SERBP1: variants seen among roughly 807,000 people sequenced by gnomAD.
SERBP1 encodes the protein SERPINE1 mRNA-binding protein 1.
A neutral mutation model predicts 50.2 loss-of-function variants in SERBP1; 6 were observed. The ratio of observed to expected loss-of-function variants is 0.12; its 90% CI spans 0.07 to 0.24. SERBP1 has a LOEUF of 0.24. SERBP1 is among the 10% of genes least tolerant of loss of function. The pLI is 1.00. For missense variants in SERBP1, 346 were observed against 524.9 expected, an observed-to-expected ratio of 0.66 and a Z score of 3.33; for synonymous variants, 168 against 182.8, an observed-to-expected ratio of 0.92 and a Z score of 0.65.
rs2100402330 is a variant in SERBP1 at position 67,410,698 on chromosome 1, G to C, written c.*2509C>G. ...ACTTTAGGAATCTTTATCTGTTTAGGGATTTTTCCCCTAGACTATTATAGC... is the reference window on the plus strand; with the variant it reads ...ACTTTAGGAATCTTTATCTGTTTAGCGATTTTTCCCCTAGACTATTATAGC... On this transcript the variant is annotated 3_prime_UTR_variant, in exon 8 of 8. Transcript: ENST00000361219. The C allele has an allele frequency of 6.6e-6, 1 of 152,172 alleles. No homozygotes were observed. Among genetic ancestry groups the C allele is most frequent in the African/African-American group, 2.4e-5 (1 of 41,526 alleles). 9.4% of individuals were successfully genotyped at this position (152,172 alleles called of 1,614,324 possible). A position where few individuals can be genotyped will look rare whatever the true frequency, so the allele number is the denominator to read the frequency against.
intron 1 of SERBP1, among the ~76,000 whole-genome samples, chr1:67,429,138 A>G (rs1158297903): frequency 1.3e-5 from 2 of 152,128 alleles, no homozygotes; most frequent in African/African-American, 4.8e-5. Flanking sequence ...CGAACTCTAA[A>G]GAGCTCTGCT....
At chr1:67,429,512 G>A (rs1281928787) in intron 1 of SERBP1, 1 of 153,618 alleles carries the variant, frequency 6.5e-6, no homozygotes, top group East Asian at 1.9e-4. Context: ...GCCGTCGTGG[G>A]ACAAGACGGC....
In SERBP1 at chr1:67,415,207, C is replaced by A; in HGVS notation, c.1084G>T (p.Gly362Trp). ...CCACGGTTTGGGCGCCCACCACGCCCACGTCCACCTCGTCCTCCCCTGCCG... is the reference window on the plus strand; with the variant it reads ...CCACGGTTTGGGCGCCCACCACGCCAACGTCCACCTCGTCCTCCCCTGCCG... ...RGGRGGRGGR[G>W]RGGRPNRGSR... Residue 362 changes from glycine to tryptophan, a missense_variant, in exon 7 of 8, where the codon GGG becomes TGG. Gly to Trp is a radical substitution (Grantham distance 184, BLOSUM62 -2). Transcript: ENST00000361219. The A allele has an allele frequency of 6.2e-7, 1 of 1,610,494 alleles. No individual in the cohort carries two copies. The highest frequency in any genetic ancestry group is 1.1e-5 in the South Asian group (1 of 90,304).
chr1:67,417,971 G>GTTTTTT lies in SERBP1; in HGVS notation c.951+2032_951+2037dup, dbSNP rs397861816. 7.4e-3 allele frequency among the ~76,000 whole-genome samples: 565 copies of GTTTTTT among 76,752 alleles called. 8 individuals are homozygous for GTTTTTT. The highest frequency in any genetic ancestry group is 8.3e-3 in the Non-Finnish European group (372 of 45,052). The allele number at this position is 76,752 out of a possible 152,430, so 50.4% of individuals were successfully genotyped here. On this transcript the variant is annotated intron_variant, in intron 6 of 7. Transcript: ENST00000361219. ...GAAGACATGTGAAAGTTAAAGTGTT[G>GTTTTTT]TTTTTTTTTTTTTTTTTTTTTTTTG...
At position 67,427,167 on chromosome 1, in the gene SERBP1, G is replaced by A. The variant is rs78093462; in HGVS notation, c.314-882C>T. On this transcript the variant is annotated intron_variant, in intron 1 of 7. Transcript: ENST00000361219. The stretch of plus-strand genomic sequence containing the variant: ...ATCTTTAAAAACCAAATACACACAC[G>A]TTAAGACCGCTTTTAAGCAACATGT... Among the ~76,000 whole-genome samples, 159 of 152,222 alleles carry A rather than the reference G, an allele frequency of 1.0e-3. 1 individual carries two copies. The highest frequency in any genetic ancestry group is 3.7e-3 in the African/African-American group (153 of 41,550).
rs1051517953 is a variant in SERBP1 at position 67,408,746 on chromosome 1, T to C, written c.*4461A>G. 1.3e-5 allele frequency: 2 copies of C among 152,182 alleles called. No individual in the cohort carries two copies. 9.4% of individuals were successfully genotyped at this position (152,182 alleles called of 1,614,324 possible). ...GTCACTAAATGTGAAATACTAATCA[T>C]GGTATTTTTTAACAGATTATACACC... On this transcript the variant is annotated 3_prime_UTR_variant, in exon 8 of 8. Coordinates refer to ENST00000361219, the MANE Select transcript of SERBP1 (RefSeq NM_001018069.2).
intron 5 of SERBP1, among the ~76,000 whole-genome samples, chr1:67,421,124 C>G (rs567418716): frequency 8.6e-5 from 13 of 151,534 alleles, no homozygotes; most frequent in African/African-American, 3.1e-4. Context: ...CCAGTTACAT[C>G]TATGCTGCAA....
intron 1 of SERBP1, among the ~76,000 whole-genome samples, chr1:67,426,812 GA>G (rs147523194): frequency 0.015 from 2,284 of 148,996 alleles, 74 homozygotes; most frequent in African/African-American, 0.054. Context: ...TATCTAATCT[GA>G]AAAAAAAATG....
At chr1:67,413,373 G>C in intron 7 of SERBP1, 110 bp from the exon 8 acceptor site, 1 of 992,612 alleles carries the variant, frequency 1.0e-6, no homozygotes, top group Middle Eastern at 2.5e-4. Context: ...TGTTGGCCAG[G>C]CACAGTGGCT....
Position 67,424,992 on chromosome 1 carries a change from TTAACA to T in SERBP1, c.606-20_606-16del. On this transcript the variant is annotated splice_polypyrimidine_tract_variant and intron_variant, in intron 3 of 7. Coordinates refer to ENST00000361219, the MANE Select transcript of SERBP1 (RefSeq NM_001018069.2). The stretch of plus-strand genomic sequence containing the variant: ...GTGAAAAAGAACTAACAAAACTGAG[TTAACA>T]TAATACTCTTTAGTTCTAGAAATTC... 6.2e-7 allele frequency: 1 copy of T among 1,611,000 alleles called. No homozygotes were observed. The highest frequency in any genetic ancestry group is 8.5e-7 in the Non-Finnish European group (1 of 1,178,380).
In SERBP1 at chr1:67,413,267, A is replaced by G. The variant is rs777922830; in HGVS notation, c.1126-4T>C. 3.8e-6 allele frequency: 6 copies of G among 1,583,264 alleles called. No homozygotes were observed. Among genetic ancestry groups the G allele is most frequent in the African/African-American group, 1.4e-5 (1 of 72,648 alleles). On this transcript the variant is annotated splice_region_variant and splice_polypyrimidine_tract_variant and intron_variant, in intron 7 of 7. Transcript: ENST00000361219. ...CATCAGGAGCAGAAGCACTTGACTG[A>G]AAAAGAAAAACCAAAATTAACCACA...
intron 6 of SERBP1, among the ~76,000 whole-genome samples, chr1:67,419,309 T>C (rs1373338337): frequency 6.6e-6 from 1 of 152,252 alleles, no homozygotes; most frequent in Non-Finnish European, 1.5e-5. Context: ...ACTGGTTATG[T>C]TATCACTAAG....
intron 6 of SERBP1, 162 bp downstream of exon 6, chr1:67,419,847 A>T: frequency 1.6e-6 from 1 of 631,658 alleles, no homozygotes. Flanking sequence ...AGAATATGTG[A>T]TAATACAGTT....
intron 7 of SERBP1, among the ~76,000 whole-genome samples, chr1:67,413,564 G>A (rs1014777135): frequency 1.2e-4 from 18 of 150,552 alleles, no homozygotes; most frequent in African/African-American, 4.9e-5. Context: ...CAGGAGAATC[G>A]CTTGAACCTG....
intron 1 of SERBP1, among the ~76,000 whole-genome samples, chr1:67,427,082 T>C (rs145718582): frequency 7.5e-4 from 114 of 152,304 alleles, no homozygotes; most frequent in African/African-American, 2.4e-3. Context: ...CAGTTACTTA[T>C]TATGCATGGA....
In SERBP1 at chr1:67,409,886, A is replaced by C. The variant is rs544691625; in HGVS notation, c.*3321T>G. On this transcript the variant is annotated 3_prime_UTR_variant, in exon 8 of 8. Coordinates refer to ENST00000361219, the MANE Select transcript of SERBP1 (RefSeq NM_001018069.2). ...CCTTGTTACCAGTTATGCCATACAA[A>C]GCACAGTAAATAATGAAGTTTCTGG... 1 of 152,346 alleles carries C rather than the reference A, an allele frequency of 6.6e-6. No individual in the cohort carries two copies. The highest frequency in any genetic ancestry group is 1.5e-5 in the Non-Finnish European group (1 of 68,040). The allele number at this position is 152,346 out of a possible 1,614,324, so 9.4% of individuals were successfully genotyped here.
intron 1 of SERBP1, among the ~76,000 whole-genome samples, chr1:67,428,134 C>T (rs1667449547): frequency 6.6e-6 from 1 of 152,170 alleles, no homozygotes; most frequent in South Asian, 2.1e-4. Flanking sequence ...ATTGTCCATT[C>T]AACACTTTTC....
chr1:67,417,478 G>C (rs1667051961), intron 6 of SERBP1, among the ~76,000 whole-genome samples: 1 of 151,808 alleles, frequency 6.6e-6, no homozygotes, highest in South Asian at 2.1e-4. Flanking sequence ...AAACTGTACT[G>C]GGATAAAGTC....
rs369566442 is a variant in SERBP1, at chr1:67,424,238, T to C, written c.735A>G (p.Glu245=). 6.9e-5 allele frequency: 112 copies of C among 1,612,686 alleles called. No individual in the cohort carries two copies. Among genetic ancestry groups the C allele is most frequent in the Non-Finnish European group, 8.5e-5 (100 of 1,179,370 alleles). The change falls in exon 5 of 8, where the codon GAA becomes GAG. Residue 245 remains glutamate, a synonymous_variant. Transcript: ENST00000361219. ...CTGCCACTGGATGATGTTCTTCACCTTCAGGTGTTTCCTCAGTCACATTTG... is the reference window on the plus strand; with the variant it reads ...CTGCCACTGGATGATGTTCTTCACCCTCAGGTGTTTCCTCAGTCACATTTG... ...DQSNVTEETP[E]GEEHHPVADT...
Sources: gnomAD v4.1 joint callset for allele counts (sites outside exome capture counted in the v4.1 genomes callset) on GRCh38, gnomAD v4.1.1 for gene constraint, MANE v1.5 for transcripts, NCBI Gene and HGNC (gene_info 2026-07-23, HGNC 2026-07-21) for gene names.